Variants in SLC24A3 observed in about 807,000 individuals in gnomAD.
The protein encoded by SLC24A3 is sodium/potassium/calcium exchanger 3.
SLC24A3 carries 28 observed loss-of-function variants against 75.8 expected under a neutral mutation model. That is an observed-to-expected ratio of 0.37 (90% CI 0.27 to 0.51). SLC24A3 has a LOEUF of 0.51. Among genes scored for constraint, SLC24A3 ranks in the 20% least tolerant of loss-of-function variants. SLC24A3 has a pLI of 0.94. For synonymous variants in SLC24A3, 372 were observed against 334.1 expected (o/e 1.11, Z -1.24); for missense variants, 663 against 847.8 (o/e 0.78, Z 2.71).
At chr20:19,553,342 C>A (rs1378113065) in intron 3 of SLC24A3, among the ~76,000 whole-genome samples, 1 of 151,998 alleles carries the variant, frequency 6.6e-6, no homozygotes, top group Non-Finnish European at 1.5e-5. Context: ...CACTTAAAAA[C>A]CATGGGGAAA....
chr20:19,685,847 C>T (rs1012330807), intron 12 of SLC24A3, among the ~76,000 whole-genome samples: 3 of 152,078 alleles, frequency 2.0e-5, no homozygotes, highest in South Asian at 2.1e-4. Flanking sequence ...GGAATTGCTC[C>T]GCAGGAAATA....
chr20:19,346,170 GGTATATATATATGGTGTA>G (rs1568595730), intron 2 of SLC24A3, among the ~76,000 whole-genome samples: 8 of 55,510 alleles, frequency 1.4e-4, no homozygotes, highest in Admixed American at 5.2e-4. Context: ...GTATATATAT[GGTATATATATATGGTGTA>G]TATATATATA....
chr20:19,615,707 G>T (rs1215644861), intron 6 of SLC24A3, among the ~76,000 whole-genome samples: 1 of 152,224 alleles, frequency 6.6e-6, no homozygotes, highest in African/African-American at 2.4e-5. Flanking sequence ...AGCTTTGCTT[G>T]CTGAGTCTTC....
chr20:19,249,366 CA>C (rs1982585266), intron 1 of SLC24A3, among the ~76,000 whole-genome samples: 2 of 152,176 alleles, frequency 1.3e-5, no homozygotes, highest in Admixed American at 1.3e-4. Flanking sequence ...GAAATATCTT[CA>C]AGCATTTCTT....
intron 15 of SLC24A3, among the ~76,000 whole-genome samples, chr20:19,705,534 G>A (rs1262335302): frequency 1.3e-5 from 2 of 152,176 alleles, no homozygotes; most frequent in African/African-American, 2.4e-5. Context: ...TCCACCACAA[G>A]CTTTTCCTAT....
chr20:19,234,021 G>C (rs1982098257), intron 1 of SLC24A3, among the ~76,000 whole-genome samples: 1 of 152,182 alleles, frequency 6.6e-6, no homozygotes, highest in Non-Finnish European at 1.5e-5. Context: ...ATATGGTTTT[G>C]CTCTGAGCAT....
chr20:19,223,265 C>T (rs1981780534), intron 1 of SLC24A3, among the ~76,000 whole-genome samples: 1 of 149,474 alleles, frequency 6.7e-6, no homozygotes, highest in Non-Finnish European at 1.5e-5. Flanking sequence ...GCACTCCAGC[C>T]TGGGCAACAA....
chr20:19,305,563 A>C (rs969048308), intron 2 of SLC24A3, among the ~76,000 whole-genome samples: 3 of 152,036 alleles, frequency 2.0e-5, no homozygotes, highest in Non-Finnish European at 4.4e-5. Flanking sequence ...GAATGATCTC[A>C]TGACACATAG....
intron 3 of SLC24A3, among the ~76,000 whole-genome samples, chr20:19,566,340 G>T (rs558744992): frequency 6.6e-6 from 1 of 152,292 alleles, no homozygotes; most frequent in South Asian, 2.1e-4. Context: ...AGTCAAAGAT[G>T]GTCCTCCACT....
At chr20:19,245,052 A>G (rs1023314579) in intron 1 of SLC24A3, among the ~76,000 whole-genome samples, 2 of 152,206 alleles carry the variant, frequency 1.3e-5, no homozygotes, top group Non-Finnish European at 2.9e-5. Context: ...TTTGATTAAT[A>G]AACAGGGGAC....
chr20:19,353,367 C>T (rs1482614848), intron 2 of SLC24A3, among the ~76,000 whole-genome samples: 1 of 152,064 alleles, frequency 6.6e-6, no homozygotes, highest in East Asian at 1.9e-4. Context: ...AAAGGAGAGA[C>T]AGTTTAATCA....
rs577401359 is a variant in SLC24A3 at position 19,386,894 on chromosome 20, C to T, written c.271+105807C>T. 3.3e-5 allele frequency among the ~76,000 whole-genome samples: 5 copies of T among 152,118 alleles called. No individual in the cohort carries two copies. In the South Asian group the frequency reaches 1.0e-3, roughly 32 times the overall value. Reference sequence around the variant, plus strand: ...GTATTCTTTCTTGTGATGTCTTTGCCTTTGGAGGAATTTAAGGAGGATTGG... The same window carrying T: ...GTATTCTTTCTTGTGATGTCTTTGCTTTTGGAGGAATTTAAGGAGGATTGG... On this transcript the variant is annotated intron_variant, in intron 2 of 16. Transcript: ENST00000328041.
At chr20:19,628,217 A>G (rs1457642840) in intron 6 of SLC24A3, among the ~76,000 whole-genome samples, 50 of 150,884 alleles carry the variant, frequency 3.3e-4, no homozygotes, top group Non-Finnish European at 5.0e-4. Flanking sequence ...AAAAAAAAAA[A>G]AAAAAGAAAA....
Position 19,290,171 on chromosome 20 carries a change from CA to C in SLC24A3, c.271+9085del, listed in dbSNP as rs1983905226. Among the ~76,000 whole-genome samples the C allele has an allele frequency of 2.0e-5, 3 of 152,128 alleles. No homozygotes were observed. The South Asian group carries it at 6.2e-4, about 32-fold the overall frequency. The stretch of plus-strand genomic sequence containing the variant: ...GCCATCTGGGTTGTAACAAGCCCTC[CA>C]GGGGCTTGTGAGGCACACTCAAGTG... On this transcript the variant is annotated intron_variant, in intron 2 of 16. Transcript: ENST00000328041.
intron 13 of SLC24A3, 46 bp from the exon 14 acceptor site, chr20:19,696,751 G>C: frequency 7.4e-7 from 1 of 1,356,258 alleles, no homozygotes; most frequent in South Asian, 1.2e-5. Context: ...GGGCAGGTGG[G>C]GCTTGAGGTG....
At chr20:19,371,979 C>T (rs1245300034) in intron 2 of SLC24A3, among the ~76,000 whole-genome samples, 1 of 152,102 alleles carries the variant, frequency 6.6e-6, no homozygotes, top group Non-Finnish European at 1.5e-5. Flanking sequence ...ATGGTAAATC[C>T]CTATGCCATC....
At chr20:19,307,239 A>T (rs546130248) in intron 2 of SLC24A3, among the ~76,000 whole-genome samples, 5 of 152,220 alleles carry the variant, frequency 3.3e-5, no homozygotes, top group Admixed American at 2.6e-4. Flanking sequence ...ATTTGCAATC[A>T]TGCCTAATAT....
chr20:19,325,795 T>TATATATATAGAGAG (rs1251419875), intron 2 of SLC24A3, among the ~76,000 whole-genome samples: 6 of 67,794 alleles, frequency 8.9e-5, no homozygotes, highest in East Asian at 6.3e-4. Flanking sequence ...TATATATATA[T>TATATATATAGAGAG]AGAGAGAGAG....
chr20:19,482,397 A>C (rs1988069688), intron 2 of SLC24A3, among the ~76,000 whole-genome samples: 1 of 151,162 alleles, frequency 6.6e-6, no homozygotes, highest in African/African-American at 2.4e-5. Flanking sequence ...TCCCTACTTT[A>C]CTCCAAATCT....
Sources: gnomAD v4.1 joint callset for allele counts (sites outside exome capture counted in the v4.1 genomes callset) on GRCh38, gnomAD v4.1.1 for gene constraint, MANE v1.5 for transcripts, NCBI Gene and HGNC (gene_info 2026-07-23, HGNC 2026-07-21) for gene names.